Variants in MALRD1 observed in about 807,000 individuals in gnomAD.
MALRD1 encodes the protein MAM and LDL-receptor class A domain-containing protein 1.
MALRD1 carries 247 observed loss-of-function variants against 242.1 expected under a neutral mutation model. That is an observed-to-expected ratio of 1.02 (90% CI 0.92 to 1.13). The LOEUF (loss-of-function observed/expected upper bound fraction) is 1.13, where lower values mean the gene tolerates loss of function less well. Ranked by LOEUF, MALRD1 falls within the 50% of genes most tolerant of loss-of-function variation. The probability of loss-of-function intolerance (pLI) is 0.00; values close to 1 mark genes in which losing one functional copy is unlikely to be tolerated. For missense variants in MALRD1, 2,989 were observed against 2,533.1 expected (o/e 1.18, Z -3.86); for synonymous variants, 995 against 866.6 (o/e 1.15, Z -2.60).
intron 26 of MALRD1, among the ~76,000 whole-genome samples, chr10:19,355,859 T>TATATATATATATATATATATACAC (rs1348787430): frequency 1.6e-3 from 29 of 18,260 alleles, no homozygotes; most frequent in Non-Finnish European, 2.1e-3. Context: ...ATATATATAT[T>TATATATATATATATATATATACAC]ATATATGATA....
rs78806586 is a variant in MALRD1, at chr10:19,701,828, C to T, written c.6314+9274C>T. 2.3e-3 allele frequency among the ~76,000 whole-genome samples: 352 copies of T among 150,278 alleles called. 7 individuals carry two copies. The East Asian group carries it at 0.052, about 22-fold the overall frequency. The stretch of plus-strand genomic sequence containing the variant: ...TTCTCTTTCTCTTCTCCATCCCTCA[C>T]CTTCTCCCTTCTCCCTCCTCCCTTC... On this transcript the variant is annotated intron_variant, in intron 38 of 39. Transcript: ENST00000454679.
chr10:19,676,044 G>A (rs1234459412), intron 36 of MALRD1, among the ~76,000 whole-genome samples: 1 of 152,178 alleles, frequency 6.6e-6, no homozygotes, highest in Non-Finnish European at 1.5e-5. Flanking sequence ...AATGAAAACA[G>A]ATGTCGTGGA....
intron 18 of MALRD1, among the ~76,000 whole-genome samples, chr10:19,211,812 G>C (rs1255990732): frequency 2.0e-5 from 3 of 150,598 alleles, no homozygotes; most frequent in Non-Finnish European, 2.9e-5. Context: ...CTGAGAAACA[G>C]CAGCAATAAC....
chr10:19,145,968 T>G (rs1833713610), intron 10 of MALRD1, among the ~76,000 whole-genome samples: 1 of 152,068 alleles, frequency 6.6e-6, no homozygotes, highest in Non-Finnish European at 1.5e-5. Flanking sequence ...CCAACCAGAA[T>G]GAAATGTACC....
chr10:19,296,741 G>GT (rs138226510), intron 21 of MALRD1, among the ~76,000 whole-genome samples: 7,048 of 152,066 alleles, frequency 0.046, 277 homozygotes, highest in African/African-American at 0.11. Flanking sequence ...AAAATAGTCT[G>GT]TTGGAAGTCC....
intron 19 of MALRD1, among the ~76,000 whole-genome samples, chr10:19,265,502 T>A (rs921121528): frequency 1.3e-5 from 2 of 152,180 alleles, no homozygotes; most frequent in Non-Finnish European, 2.9e-5. Context: ...AGGAGTATGT[T>A]GTTTTAATTG....
chr10:19,729,100 A>T (rs1835170793), intron 38 of MALRD1, among the ~76,000 whole-genome samples: 1 of 152,212 alleles, frequency 6.6e-6, no homozygotes, highest in African/African-American at 2.4e-5. Context: ...TCTATTGTAT[A>T]TTTAAGCCAG....
chr10:19,581,697 T>C (rs1315085610), intron 33 of MALRD1, among the ~76,000 whole-genome samples: 3 of 150,304 alleles, frequency 2.0e-5, no homozygotes, highest in Admixed American at 6.7e-5. Flanking sequence ...CATGTGTCTT[T>C]ATAGCAGCAT....
chr10:19,674,015 G>C (rs1354086487), intron 36 of MALRD1, among the ~76,000 whole-genome samples: 1 of 152,042 alleles, frequency 6.6e-6, no homozygotes, highest in Non-Finnish European at 1.5e-5. Flanking sequence ...AAAGAGATGG[G>C]GAAGAGATGA....
In MALRD1 at chr10:19,362,590, T is replaced by C. The variant is rs185001350; in HGVS notation, c.4441+10293T>C. ...GCATGCCTGACAAAGAAGAGGCCAA[T>C]GTAGCTGAGAAACTAAAGCTGGAAG... On this transcript the variant is annotated intron_variant, in intron 26 of 39. Coordinates refer to ENST00000454679, the MANE Select transcript of MALRD1 (RefSeq NM_001142308.3). Among the ~76,000 whole-genome samples the C allele has an allele frequency of 1.1e-3, 163 of 152,096 alleles. 2 individuals are homozygous for C. The highest frequency in any genetic ancestry group is 6.8e-3 in the Admixed American group (103 of 15,248).
chr10:19,420,115 G>T (rs1833663292), intron 28 of MALRD1, among the ~76,000 whole-genome samples: 1 of 152,148 alleles, frequency 6.6e-6, no homozygotes, highest in Non-Finnish European at 1.5e-5. Context: ...AGGGGAAGGG[G>T]TTCTTATGCC....
At chr10:19,477,246 G>A (rs1374994483) in intron 29 of MALRD1, among the ~76,000 whole-genome samples, 2 of 151,932 alleles carry the variant, frequency 1.3e-5, no homozygotes, top group African/African-American at 4.8e-5. Flanking sequence ...TTTTATACTT[G>A]TATTTATATA....
chr10:19,581,562 T>C (rs1197000507), intron 33 of MALRD1, among the ~76,000 whole-genome samples: 3 of 150,026 alleles, frequency 2.0e-5, no homozygotes, highest in African/African-American at 7.3e-5. Flanking sequence ...TCATTTTTTA[T>C]GGCTGCATAG....
At chr10:19,615,261 T>TATAC (rs1317623869) in intron 35 of MALRD1, among the ~76,000 whole-genome samples, 1 of 151,988 alleles carries the variant, frequency 6.6e-6, no homozygotes, top group East Asian at 1.9e-4. Flanking sequence ...TTCACACCTG[T>TATAC]AATCCTAGCA....
Position 19,692,564 on chromosome 10 carries a change from G to A in MALRD1, c.6314+10G>A, listed in dbSNP as rs1833129078. The stretch of plus-strand genomic sequence containing the variant: ...GAAAGGTACCAATAAGGTAAGTGAT[G>A]CCTTTAGTTGCTAAATGAAATATAC... On this transcript the variant is annotated intron_variant, in intron 38 of 39. Transcript: ENST00000454679. 2.0e-6 allele frequency: 3 copies of A among 1,519,678 alleles called. No individual in the cohort carries two copies. The East Asian group carries it at 7.4e-5, about 37-fold the overall frequency. 94.1% of individuals were successfully genotyped at this position (1,519,678 alleles called of 1,614,324 possible).
In MALRD1 at chr10:19,491,564, C is replaced by G; in HGVS notation, c.5077C>G (p.Arg1693Gly). 1 of 1,550,038 alleles carries G rather than the reference C, an allele frequency of 6.5e-7. No individual in the cohort carries two copies. The highest frequency in any genetic ancestry group is 8.7e-7 in the Non-Finnish European group (1 of 1,146,820). The part of the protein sequence containing the change: ...LCPEITDFLC[R>G]DKKCIASHLL... ...TCCGGAAATCACTGATTTTTTGTGC[C>G]GGGACAAGAAGTGCATTGCATCCCA... Residue 1693 changes from arginine (R) to glycine (G), a missense_variant, in exon 30 of 40, where the codon CGG becomes GGG. Physicochemically the swap from Arg to Gly is moderately radical, Grantham distance 125 (BLOSUM62 -2). Coordinates refer to ENST00000454679, the MANE Select transcript of MALRD1 (RefSeq NM_001142308.3).
chr10:19,529,525 G>A (rs1834247141), intron 31 of MALRD1, among the ~76,000 whole-genome samples: 1 of 108,322 alleles, frequency 9.2e-6, no homozygotes, highest in African/African-American at 3.8e-5. Context: ...TAAAAAACCA[G>A]AGAAGACAGA....
Position 19,292,612 on chromosome 10 carries a change from G to A in MALRD1, c.3419+9431G>A, listed in dbSNP as rs180927868. On this transcript the variant is annotated intron_variant, in intron 21 of 39. Transcript: ENST00000454679. ...ACTAAAAGCCACATAAATAATGCAG[G>A]CCGGGCGGGGTGGTTCACGCCTGTA... Among the ~76,000 whole-genome samples the A allele has an allele frequency of 4.8e-3, 735 of 152,236 alleles. 9 individuals carry two copies. The highest frequency in any genetic ancestry group is 0.047 in the South Asian group (226 of 4,822).
At chr10:19,454,058 T>C (rs768720506) in intron 29 of MALRD1, among the ~76,000 whole-genome samples, 14 of 151,964 alleles carry the variant, frequency 9.2e-5, no homozygotes, top group Non-Finnish European at 1.9e-4. Flanking sequence ...AGACCCTGTC[T>C]CAAAGAAAAA....
Sources: gnomAD v4.1 joint callset for allele counts (sites outside exome capture counted in the v4.1 genomes callset) on GRCh38, gnomAD v4.1.1 for gene constraint, MANE v1.5 for transcripts, NCBI Gene and HGNC (gene_info 2026-07-23, HGNC 2026-07-21) for gene names.